ASH2L: variants seen among roughly 807,000 people sequenced by gnomAD.
ASH2L encodes ASH2 like, histone lysine methyltransferase complex subunit.
Under a neutral mutation model 81.1 loss-of-function variants are expected in ASH2L, and 30 were observed. The observed-to-expected ratio is 0.37, with a 90% CI of 0.28 to 0.50. ASH2L has a LOEUF of 0.50. Ranked by LOEUF, ASH2L falls within the 20% of genes least tolerant of loss-of-function variation. The pLI is 0.95. For missense variants in ASH2L, 559 were observed against 792.1 expected, an observed-to-expected ratio of 0.71 and a Z score of 3.53; for synonymous variants, 273 against 279.9, an observed-to-expected ratio of 0.98 and a Z score of 0.24.
chr8:38,110,792 A>G lies in ASH2L; in HGVS notation c.544A>G (p.Thr182Ala). The G allele has an allele frequency of 6.2e-7, 1 of 1,614,018 alleles. No individual in the cohort carries two copies. Among genetic ancestry groups the G allele is most frequent in the African/African-American group, 1.3e-5 (1 of 75,064 alleles). The change falls in exon 5 of 16, where the codon ACA (threonine) becomes GCA (alanine). Residue 182 changes from threonine to alanine, a missense_variant. Coordinates refer to ENST00000343823, the MANE Select transcript of ASH2L (RefSeq NM_004674.5). ...GGCCAACCTGACATGGCAGTCCCGA[A>G]CACAGGATGAACATCCGAAGACAAT... is the stretch of plus-strand genomic sequence containing the variant. Reference protein sequence around the residue: ...ALANLTWQSRTQDEHPKTMFS... With the variant: ...ALANLTWQSRAQDEHPKTMFS...
chr8:38,115,216 A>G (rs1810847652), intron 7 of ASH2L, among the ~76,000 whole-genome samples: 1 of 152,144 alleles, frequency 6.6e-6, no homozygotes, highest in African/African-American at 2.4e-5. Context: ...TCTTCCCCAA[A>G]ATGTTATGAA....
In ASH2L at chr8:38,110,481, C is replaced by G. The variant is rs1810637543; in HGVS notation, c.490+14C>G. 2 of 1,602,662 alleles carry G rather than the reference C, an allele frequency of 1.2e-6. No individual in the cohort carries two copies. Among genetic ancestry groups the G allele is most frequent in the Non-Finnish European group, 1.7e-6 (2 of 1,169,798 alleles). ...GGAAGCAAGCAAGTAAGAACAAACT[C>G]TGGAGTATTTGAAGATGATTATCCA... On this transcript the variant is annotated intron_variant, in intron 4 of 15. Transcript: ENST00000343823.
chr8:38,107,943 T>G (rs1029418302), intron 3 of ASH2L, among the ~76,000 whole-genome samples: 2 of 151,506 alleles, frequency 1.3e-5, no homozygotes, highest in African/African-American at 4.9e-5. Flanking sequence ...TGTTTTCTTG[T>G]TTTTTTCTTG....
chr8:38,128,137 T>C (rs1801927944), intron 10 of ASH2L, among the ~76,000 whole-genome samples, 154 bp from the exon 11 acceptor site: 1 of 152,278 alleles, frequency 6.6e-6, no homozygotes, highest in Non-Finnish European at 1.5e-5. Context: ...CAGTATCTTA[T>C]GCTGAGATTT....
At chr8:38,127,165 GAA>G (rs35487001) in intron 10 of ASH2L, among the ~76,000 whole-genome samples, 2 of 140,546 alleles carry the variant, frequency 1.4e-5, no homozygotes, top group East Asian at 2.1e-4. Flanking sequence ...TTATCTCAAG[GAA>G]AAAAAAAAAA....
chr8:38,106,508 T>C, intron 2 of ASH2L, 64 bp downstream of exon 2: 1 of 672,990 alleles, frequency 1.5e-6, no homozygotes, highest in Non-Finnish European at 2.2e-6. Flanking sequence ...TTCTTCTTCT[T>C]TTTTTTTTTT....
chr8:38,108,494 A>C (rs1170622562), intron 3 of ASH2L, among the ~76,000 whole-genome samples: 1 of 147,318 alleles, frequency 6.8e-6, no homozygotes, highest in Non-Finnish European at 1.5e-5. Flanking sequence ...AAGTCCAGTT[A>C]GATCCTATCA....
chr8:38,129,854 T>G (rs767493269), intron 12 of ASH2L, among the ~76,000 whole-genome samples: 83 of 152,332 alleles, frequency 5.4e-4, no homozygotes, highest in Admixed American at 5.0e-3. Context: ...CCAGTGTGTT[T>G]ATGCATTTTC....
rs1183354051 is a variant in ASH2L at position 38,139,024 on chromosome 8, G to A, written c.1840G>A (p.Val614Met). ...CACCCTGGCTGACGTCTTGTATCAC[G>A]TGGAGACAGAAGTGGATGGGAGGCG... ...EHTLADVLYH[V>M]ETEVDGRRSP... The change falls in exon 16 of 16, where the codon GTG becomes ATG. Residue 614 changes from valine (V) to methionine (M), a missense_variant. Physicochemically the swap from Val to Met is conservative, Grantham distance 21. This residue lies in a region of ASH2L where 95 missense variants were observed against 130.7 expected (regional missense o/e 0.73). Coordinates refer to ENST00000343823, the MANE Select transcript of ASH2L (RefSeq NM_004674.5). 1.2e-6 allele frequency: 2 copies of A among 1,611,222 alleles called. No homozygotes were observed. The highest frequency in any genetic ancestry group is 1.7e-6 in the Non-Finnish European group (2 of 1,178,658).
chr8:38,119,238 C>T lies in ASH2L; in HGVS notation c.854-32C>T, dbSNP rs554856560. The stretch of plus-strand genomic sequence containing the variant: ...TATCCACATGGTGTTTCCCTTGTGG[C>T]TCATTGAAAGCAATCTGCCTTCTCT... On this transcript the variant is annotated intron_variant, in intron 8 of 15. Coordinates refer to ENST00000343823, the MANE Select transcript of ASH2L (RefSeq NM_004674.5). 82 of 1,540,192 alleles carry T rather than the reference C, an allele frequency of 5.3e-5. No individual in the cohort carries two copies. The East Asian group carries it at 2.0e-3, about 37-fold the overall frequency.
intron 12 of ASH2L, among the ~76,000 whole-genome samples, chr8:38,132,784 G>C (rs1451668629): frequency 6.9e-6 from 1 of 144,520 alleles, no homozygotes. Flanking sequence ...GGGTGACAGA[G>C]TGAGACTGTC....
chr8:38,112,848 A>T (rs1810742945), intron 5 of ASH2L, among the ~76,000 whole-genome samples: 1 of 152,182 alleles, frequency 6.6e-6, no homozygotes. Flanking sequence ...GTAAATCAGA[A>T]TACATTCTTT....
chr8:38,122,218 G>A (rs1236839744), intron 10 of ASH2L, among the ~76,000 whole-genome samples: 1 of 151,770 alleles, frequency 6.6e-6, no homozygotes. Context: ...GTGTTCTTTC[G>A]ATAAGCCGTG....
In ASH2L at chr8:38,138,487, G is replaced by A. The variant is rs943927775; in HGVS notation, c.1720-329G>A. 3 of 259,720 alleles carry A rather than the reference G, an allele frequency of 1.2e-5. No individual in the cohort carries two copies. In the Admixed American group the frequency reaches 1.5e-4, roughly 13 times the overall value. The allele number at this position is 259,720 out of a possible 1,614,324, so 16.1% of individuals were successfully genotyped here. ...GGGATATTTAACGTTTTATCTGTAG[G>A]TGTCTGCTTAGCAACAAAAGGAAAG... On this transcript the variant is annotated intron_variant, in intron 14 of 15. Transcript: ENST00000343823.
chr8:38,115,584 T>C (rs1370709520), intron 7 of ASH2L, among the ~76,000 whole-genome samples: 1 of 152,010 alleles, frequency 6.6e-6, no homozygotes, highest in Non-Finnish European at 1.5e-5. Context: ...GGAGGATTGC[T>C]TGAGTCCAGG....
chr8:38,138,598 A>G (rs1802361907), intron 14 of ASH2L: 1 of 457,368 alleles, frequency 2.2e-6, no homozygotes, highest in African/African-American at 2.0e-5. Context: ...TTTTTCTTTG[A>G]CAACAGAAAT....
Position 38,105,806 on chromosome 8 carries a change from T to G in ASH2L, c.188+68T>G, listed in dbSNP as rs1349033215. 48 of 1,483,596 alleles carry G rather than the reference T, an allele frequency of 3.2e-5. 1 individual carries two copies. The South Asian group carries it at 6.5e-4, about 20-fold the overall frequency. The allele number at this position is 1,483,596 out of a possible 1,614,324, so 91.9% of individuals were successfully genotyped here. On this transcript the variant is annotated intron_variant, in intron 1 of 15. Coordinates refer to ENST00000343823, the MANE Select transcript of ASH2L (RefSeq NM_004674.5). ...CGCCCCTCGCGAATCCCGCGGCTCCTGGAGCCCTGCCGCCCGCCCCCTGCG... is the reference window on the plus strand; with the variant it reads ...CGCCCCTCGCGAATCCCGCGGCTCCGGGAGCCCTGCCGCCCGCCCCCTGCG...
At chr8:38,113,550 A>C (rs940358044) in intron 5 of ASH2L, among the ~76,000 whole-genome samples, 1 of 152,150 alleles carries the variant, frequency 6.6e-6, no homozygotes, top group African/African-American at 2.4e-5. Flanking sequence ...CAGTCATGCA[A>C]GCAGGAGTTG....
chr8:38,105,939 G>A (rs1810406865), intron 1 of ASH2L: 5 of 1,497,310 alleles, frequency 3.3e-6, no homozygotes, highest in Non-Finnish European at 4.4e-6. Context: ...ACGGGCGGTG[G>A]GAGCTGAGGC....
Sources: allele counts gnomAD v4.1 joint callset (sites outside exome capture counted in the v4.1 genomes callset), GRCh38; gene constraint gnomAD v4.1.1; regional missense constraint gnomAD v4.1.1; transcripts MANE v1.5; gene names NCBI Gene and HGNC (gene_info 2026-07-23, HGNC 2026-07-21).